RAI14: variants seen among roughly 807,000 people sequenced by gnomAD.
RAI14 encodes ankycorbin.
In RAI14, 45 loss-of-function variants were observed where a neutral mutation model predicts 115.4. The ratio of observed to expected loss-of-function variants is 0.39; its 90% CI spans 0.31 to 0.50. The LOEUF is 0.50. Ranked by LOEUF, RAI14 falls within the 20% of genes least tolerant of loss-of-function variation. The pLI, the probability that RAI14 is intolerant of heterozygous loss-of-function variation, is 0.85. For synonymous variants in RAI14, 371 were observed against 415.4 expected, an observed-to-expected ratio of 0.89 and a Z score of 1.30; for missense variants, 939 against 1,131.2, an observed-to-expected ratio of 0.83 and a Z score of 2.44.
At chr5:34,767,155 G>A (rs571515107) in intron 3 of RAI14, among the ~76,000 whole-genome samples, 165 of 152,280 alleles carry the variant, frequency 1.1e-3, no homozygotes, top group African/African-American at 3.7e-3. Context: ...TAAGATCACA[G>A]CATTTTTCAT....
chr5:34,741,224 G>A (rs1403211236), intron 2 of RAI14, among the ~76,000 whole-genome samples: 5 of 152,232 alleles, frequency 3.3e-5, no homozygotes, highest in Admixed American at 1.3e-4. Flanking sequence ...CTGCCATTAA[G>A]TACAATCTGT....
intron 3 of RAI14, among the ~76,000 whole-genome samples, chr5:34,771,531 T>C (rs548829707): frequency 6.6e-6 from 1 of 152,364 alleles, no homozygotes; most frequent in Admixed American, 6.5e-5. Flanking sequence ...TAATTGTGTT[T>C]GTTATTATTC....
chr5:34,824,537 G>A (rs780767997), intron 15 of RAI14, 46 bp downstream of exon 15: 1 of 1,435,440 alleles, frequency 7.0e-7, no homozygotes, highest in Non-Finnish European at 9.3e-7. Context: ...ATAAGTCTTA[G>A]TCTCTTTGGC....
At chr5:34,739,342 G>T (rs181818486) in intron 2 of RAI14, among the ~76,000 whole-genome samples, 1 of 152,258 alleles carries the variant, frequency 6.6e-6, no homozygotes, top group East Asian at 1.9e-4. Flanking sequence ...GTGCACCCAG[G>T]TGGTCTGGCT....
Position 34,830,743 on chromosome 5 carries a change from A to C in RAI14, c.2921A>C (p.Lys974Thr). ...KVLKQILTMCKNQSQKK is the reference protein window; with the variant it reads ...KVLKQILTMCTNQSQKK The stretch of plus-strand genomic sequence containing the variant: ...CTGAAGCAAATCCTTACCATGTGTA[A>C]AAACCAGTCTCAAAAGAAGTAAAGT... The change falls in exon 18 of 18, where the codon AAA becomes ACA. Residue 974 changes from lysine (K) to threonine (T), a missense_variant. Physicochemically the swap from Lys to Thr is moderately conservative, Grantham distance 78. Coordinates refer to ENST00000265109, the MANE Select transcript of RAI14 (RefSeq NM_015577.3). The C allele has an allele frequency of 1.2e-6, 2 of 1,614,158 alleles. No homozygotes were observed. The highest frequency in any genetic ancestry group is 1.6e-4 in the Middle Eastern group (1 of 6,062).
At chr5:34,702,482 C>T (rs566028302) in intron 2 of RAI14, among the ~76,000 whole-genome samples, 6 of 152,172 alleles carry the variant, frequency 3.9e-5, no homozygotes, top group Non-Finnish European at 7.4e-5. Context: ...CTGTCTCAGG[C>T]GGGGGGCAAG....
At chr5:34,746,782 C>CT (rs1477386951) in intron 2 of RAI14, among the ~76,000 whole-genome samples, 1 of 152,134 alleles carries the variant, frequency 6.6e-6, no homozygotes, top group Non-Finnish European at 1.5e-5. Flanking sequence ...CCTGATATGT[C>CT]TTGGCTGTGT....
chr5:34,688,152 A>G (rs1738084486), intron 2 of RAI14: 2 of 1,540,360 alleles, frequency 1.3e-6, no homozygotes, highest in South Asian at 2.4e-5. Context: ...AGTCCTGGTC[A>G]TCCGACTTCC....
In RAI14 at chr5:34,791,679, C is replaced by G. The variant is rs1752933807; in HGVS notation, c.168-4260C>G. 6.6e-6 allele frequency among the ~76,000 whole-genome samples: 1 copy of G among 152,138 alleles called. No homozygotes were observed. The highest frequency in any genetic ancestry group is 1.5e-5 in the Non-Finnish European group (1 of 68,022). The stretch of plus-strand genomic sequence containing the variant: ...AATTGATGAGAGCTTAAGAAAGGAA[C>G]TATTTACAAATATGTGGCCAGATTA... On this transcript the variant is annotated intron_variant, in intron 3 of 17. Coordinates refer to ENST00000265109, the MANE Select transcript of RAI14 (RefSeq NM_015577.3). This position sits in a 1 kb window ranked among gnomAD's most constrained non-coding sequence, Gnocchi z 5.4.
At chr5:34,765,007 A>G (rs1210375551) in intron 3 of RAI14, among the ~76,000 whole-genome samples, 1 of 152,030 alleles carries the variant, frequency 6.6e-6, no homozygotes, top group Non-Finnish European at 1.5e-5. Flanking sequence ...ACGAGATCTG[A>G]TGATTTTAGT....
intron 3 of RAI14, among the ~76,000 whole-genome samples, chr5:34,780,541 C>T (rs1390225905): frequency 2.0e-5 from 3 of 152,118 alleles, no homozygotes; most frequent in Non-Finnish European, 4.4e-5. Flanking sequence ...AAACAAACAG[C>T]CCCATCAAAA....
intron 2 of RAI14, among the ~76,000 whole-genome samples, chr5:34,707,122 G>T (rs184624650): frequency 8.9e-4 from 135 of 152,358 alleles, no homozygotes; most frequent in Non-Finnish European, 1.4e-3. Flanking sequence ...AATTACTTGT[G>T]TGTGACTCCT....
chr5:34,701,339 T>C (rs1227326026), intron 2 of RAI14, among the ~76,000 whole-genome samples: 1 of 152,218 alleles, frequency 6.6e-6, no homozygotes, highest in Non-Finnish European at 1.5e-5. Context: ...AAAATGTGCA[T>C]CTGTAAAGAA....
Position 34,720,484 on chromosome 5 carries a change from C to G in RAI14, c.36+33529C>G, listed in dbSNP as rs183379273. Among the ~76,000 whole-genome samples, 4 of 145,510 alleles carry G rather than the reference C, an allele frequency of 2.7e-5. No homozygotes were observed. The East Asian group carries it at 8.4e-4, about 30-fold the overall frequency. On this transcript the variant is annotated intron_variant, in intron 2 of 17. Coordinates refer to ENST00000265109, the MANE Select transcript of RAI14 (RefSeq NM_015577.3). ...GGAGTGCAGTGGCGCAATCTCGGCT[C>G]ACTGGAAGCTCCACCTCCCGGGTTC...
At chr5:34,817,756 A>C (rs1364421146) in intron 12 of RAI14, among the ~76,000 whole-genome samples, 1 of 152,244 alleles carries the variant, frequency 6.6e-6, no homozygotes, top group Non-Finnish European at 1.5e-5. Context: ...ATGGGATGAC[A>C]TTCCATTTAT....
intron 2 of RAI14, among the ~76,000 whole-genome samples, chr5:34,719,720 C>G (rs1323354413): frequency 6.6e-6 from 1 of 152,148 alleles, no homozygotes; most frequent in Non-Finnish European, 1.5e-5. Context: ...GGGTTTTCAT[C>G]TAAAAGCTGG....
At chr5:34,681,856 CTTT>C (rs553263716) in intron 1 of RAI14, among the ~76,000 whole-genome samples, 2 of 122,190 alleles carry the variant, frequency 1.6e-5, no homozygotes, top group African/African-American at 3.2e-5. Context: ...TTCTTTCTTT[CTTT>C]TTTTTTTTTT....
chr5:34,823,705 G>A lies in RAI14; in HGVS notation c.1863G>A (p.Gln621=), dbSNP rs746561464. The A allele has an allele frequency of 6.2e-7, 1 of 1,614,196 alleles. No homozygotes were observed. Among genetic ancestry groups the A allele is most frequent in the South Asian group, 1.1e-5 (1 of 91,080 alleles). ...LKDTLKSQMT[Q]EASDEAEDMK... Reference sequence around the variant, plus strand: ...ACACACTAAAAAGTCAGATGACACAGGAAGCCAGTGATGAAGCTGAGGACA... The same window carrying A: ...ACACACTAAAAAGTCAGATGACACAAGAAGCCAGTGATGAAGCTGAGGACA... Residue 621 remains glutamine, a synonymous_variant, in exon 15 of 18, where the codon CAG becomes CAA. Transcript: ENST00000265109. The surrounding 1 kb of genome is among the most constrained non-coding windows in gnomAD (Gnocchi z 4.5).
At chr5:34,691,241 A>C (rs1738556493) in intron 2 of RAI14, among the ~76,000 whole-genome samples, 1 of 152,186 alleles carries the variant, frequency 6.6e-6, no homozygotes, top group African/African-American at 2.4e-5. Context: ...GACATAGAAA[A>C]TAGTAATATT....
Sources: gnomAD v4.1 joint callset for allele counts (sites outside exome capture counted in the v4.1 genomes callset) on GRCh38, gnomAD v4.1.1 for gene constraint, Gnocchi (gnomAD v3.1) non-coding constraint, MANE v1.5 for transcripts, NCBI Gene and HGNC (gene_info 2026-07-23, HGNC 2026-07-21) for gene names.